MYO1D: variants seen among roughly 807,000 people sequenced by gnomAD.
The protein encoded by MYO1D is unconventional myosin-Id.
Under a neutral mutation model 122.0 loss-of-function variants are expected in MYO1D, and 83 were observed. The observed-to-expected ratio is 0.68, with a 90% CI of 0.57 to 0.82. The LOEUF is 0.82. MYO1D is among the 40% of genes least tolerant of loss of function. The probability of loss-of-function intolerance (pLI) is 0.00; values close to 1 mark genes in which losing one functional copy is unlikely to be tolerated. For missense variants in MYO1D, 1,157 were observed against 1,269.5 expected (o/e 0.91, Z 1.35); for synonymous variants, 464 against 446.9 (o/e 1.04, Z -0.48).
chr17:32,724,841 AAAGAAGC>A (rs2150994134), intron 14 of MYO1D, among the ~76,000 whole-genome samples: 1 of 152,348 alleles, frequency 6.6e-6, no homozygotes, highest in African/African-American at 2.4e-5. Flanking sequence ...TAGGTAACTA[AAAGAAGC>A]AAAATTAACT....
At chr17:32,844,309 CATATGTATATATTATATAATATGT>C (rs2090913679) in intron 1 of MYO1D, among the ~76,000 whole-genome samples, 1 of 142,836 alleles carries the variant, frequency 7.0e-6, no homozygotes, top group South Asian at 2.2e-4. Context: ...TTATAATATG[CATATGTATATATTATATAATATGT>C]ATATGTATAT....
chr17:32,732,389 A>AT (rs1170788552), intron 14 of MYO1D, among the ~76,000 whole-genome samples: 1 of 152,168 alleles, frequency 6.6e-6, no homozygotes, highest in African/African-American at 2.4e-5. Flanking sequence ...TCTGAAGCCC[A>AT]TAAAAACCCC....
intron 16 of MYO1D, among the ~76,000 whole-genome samples, chr17:32,672,776 T>A (rs1333363573): frequency 6.6e-6 from 1 of 151,940 alleles, no homozygotes. Flanking sequence ...AATCATAAAG[T>A]GTTGAATTGA....
intron 13 of MYO1D, among the ~76,000 whole-genome samples, chr17:32,740,249 C>A (rs927546567): frequency 4.6e-5 from 7 of 152,190 alleles, no homozygotes; most frequent in Non-Finnish European, 8.8e-5. Context: ...TGTTAAAAGA[C>A]TGTGTCTTTT....
At chr17:32,852,315 C>T (rs931386873) in intron 1 of MYO1D, among the ~76,000 whole-genome samples, 7 of 152,004 alleles carry the variant, frequency 4.6e-5, no homozygotes, top group Admixed American at 2.6e-4. Context: ...TTGGTAGAGA[C>T]GGGGTTTCAC....
At chr17:32,843,925 T>C (rs2090909219) in intron 1 of MYO1D, among the ~76,000 whole-genome samples, 1 of 152,092 alleles carries the variant, frequency 6.6e-6, no homozygotes, top group Non-Finnish European at 1.5e-5. Context: ...TTTGCATACA[T>C]TTGACTTCTT....
rs112158665 is a variant in MYO1D, at chr17:32,693,890, A to G, written c.2121+18098T>C. Among the ~76,000 whole-genome samples the G allele has an allele frequency of 9.8e-3, 1,495 of 152,352 alleles. 28 individuals are homozygous for G. Among genetic ancestry groups the G allele is most frequent in the African/African-American group, 0.034 (1,417 of 41,584 alleles). On this transcript the variant is annotated intron_variant, in intron 16 of 21. Transcript: ENST00000318217. ...AAAAAGGAGAGTGGGGCCGGGTGTG[A>G]GGGAATGTACTGTTGCTTCAATGTT...
chr17:32,598,289 G>A (rs938049170), intron 21 of MYO1D, among the ~76,000 whole-genome samples: 1 of 151,932 alleles, frequency 6.6e-6, no homozygotes. Flanking sequence ...CACGAGAATT[G>A]CTTGAATACA....
intron 13 of MYO1D, among the ~76,000 whole-genome samples, chr17:32,739,841 C>T (rs1407265978): frequency 2.6e-5 from 4 of 152,080 alleles, no homozygotes; most frequent in Admixed American, 1.3e-4. Context: ...AGCAGATGAG[C>T]GCAGAGCGAA....
At chr17:32,575,244 C>T (rs1341410478) in intron 21 of MYO1D, among the ~76,000 whole-genome samples, 3 of 152,182 alleles carry the variant, frequency 2.0e-5, no homozygotes, top group South Asian at 2.1e-4. Flanking sequence ...CCCAGCCAAA[C>T]GTTCTTCCTA....
intron 19 of MYO1D, among the ~76,000 whole-genome samples, chr17:32,653,067 G>A (rs1350216390): frequency 6.6e-6 from 1 of 152,020 alleles, no homozygotes; most frequent in African/African-American, 2.4e-5. Flanking sequence ...GCATGAACCT[G>A]GGAGGCGGAG....
intron 1 of MYO1D, among the ~76,000 whole-genome samples, chr17:32,789,857 C>T (rs2090332789): frequency 6.6e-6 from 1 of 152,128 alleles, no homozygotes; most frequent in Non-Finnish European, 1.5e-5. Context: ...GGGGGTATTG[C>T]TCTGCTGACA....
At chr17:32,643,588 C>G (rs2088238115) in intron 19 of MYO1D, among the ~76,000 whole-genome samples, 1 of 152,096 alleles carries the variant, frequency 6.6e-6, no homozygotes, top group Admixed American at 6.6e-5. Context: ...ATTATTGCCT[C>G]AATTTCAGAT....
intron 21 of MYO1D, among the ~76,000 whole-genome samples, chr17:32,603,049 T>C (rs1165234557): frequency 6.7e-6 from 1 of 148,680 alleles, no homozygotes; most frequent in East Asian, 2.0e-4. Flanking sequence ...TCTTAATTCA[T>C]AAGATAGAAA....
At chr17:32,847,919 A>C (rs1482059975) in intron 1 of MYO1D, among the ~76,000 whole-genome samples, 1 of 152,232 alleles carries the variant, frequency 6.6e-6, no homozygotes, top group Non-Finnish European at 1.5e-5. Context: ...TAAGAACCAA[A>C]GATTGTTTAT....
At chr17:32,550,562 A>T (rs188783625) in intron 21 of MYO1D, among the ~76,000 whole-genome samples, 1 of 152,348 alleles carries the variant, frequency 6.6e-6, no homozygotes, top group East Asian at 1.9e-4. Flanking sequence ...CACACATTAA[A>T]AATGAGGAAA....
intron 14 of MYO1D, among the ~76,000 whole-genome samples, chr17:32,723,202 A>AG (rs34984802): frequency 6.6e-6 from 1 of 152,128 alleles, no homozygotes; most frequent in Non-Finnish European, 1.5e-5. Flanking sequence ...AAACCTGAAG[A>AG]GGGGGGTCAT....
chr17:32,852,411 C>G (rs1041376441), intron 1 of MYO1D, among the ~76,000 whole-genome samples: 17 of 152,082 alleles, frequency 1.1e-4, no homozygotes, highest in African/African-American at 4.1e-4. Context: ...ACAGGCATGA[C>G]CACTGTGCCT....
At chr17:32,876,653 C>A in intron 1 of MYO1D, 125 bp downstream of exon 1, 1 of 705,118 alleles carries the variant, frequency 1.4e-6, no homozygotes, top group Non-Finnish European at 2.1e-6. Context: ...GACACCGCAG[C>A]CCGGCCGCGC....
Sources: gnomAD v4.1 joint callset for allele counts (sites outside exome capture counted in the v4.1 genomes callset) on GRCh38, gnomAD v4.1.1 for gene constraint, MANE v1.5 for transcripts, NCBI Gene and HGNC (gene_info 2026-07-23, HGNC 2026-07-21) for gene names.